The following VWA8 variants were observed in gnomAD, a reference collection of about 807,000 sequenced individuals.
The protein encoded by VWA8 is von Willebrand factor A domain-containing protein 8.
A neutral mutation model predicts 241.5 loss-of-function variants in VWA8; 221 were observed. The observed-to-expected ratio is 0.91, with a 90% CI of 0.82 to 1.02. The LOEUF is 1.02. Ranked by LOEUF, VWA8 falls within the 50% of genes least tolerant of loss-of-function variation. The pLI, the probability that VWA8 is intolerant of heterozygous loss-of-function variation, is 0.00. For missense variants in VWA8, 2,322 were observed against 2,328.7 expected (o/e 1.00, Z 0.06); for synonymous variants, 852 against 827.1 (o/e 1.03, Z -0.52).
chr13:41,837,035 T>TGATA (rs67765155), intron 12 of VWA8, among the ~76,000 whole-genome samples: 20,884 of 148,578 alleles, frequency 0.14, 1,492 homozygotes, highest in East Asian at 0.18. Flanking sequence ...TGCAGATAGA[T>TGATA]GATAGATAGA....
intron 37 of VWA8, among the ~76,000 whole-genome samples, chr13:41,639,272 G>C (rs2044779587): frequency 6.6e-6 from 1 of 151,342 alleles, no homozygotes; most frequent in Non-Finnish European, 1.5e-5. Context: ...AGATAGATGT[G>C]AAAAAAAAGT....
intron 34 of VWA8, among the ~76,000 whole-genome samples, chr13:41,688,604 T>C (rs2045152963): frequency 6.6e-6 from 1 of 152,106 alleles, no homozygotes; most frequent in African/African-American, 2.4e-5. Flanking sequence ...TACTATAACC[T>C]GGATGCTGCA....
chr13:41,953,530 G>T (rs1027852930), intron 1 of VWA8, among the ~76,000 whole-genome samples: 15 of 152,202 alleles, frequency 9.9e-5, no homozygotes, highest in Non-Finnish European at 5.9e-5. Flanking sequence ...ATGAGACCAG[G>T]CACAATGGCT....
In VWA8 at chr13:41,886,817, A is replaced by T. The variant is rs756291611; in HGVS notation, c.830T>A (p.Leu277Ter). The change falls in exon 7 of 45, where the codon TTG becomes TAG. Residue 277 changes from leucine to a stop codon, truncating the protein, a stop_gained. Transcript: ENST00000379310. LOFTEE classifies it high-confidence loss of function. ...AACATTGGCTCCAATTGAATATAAC[A>T]ACTTAAGTTGGTCCTAAAGTAATAC... ...YYLPFKDQLKLLYSIGANVSA... is the reference protein window; with the variant it reads ...YYLPFKDQLK The T allele has an allele frequency of 1.3e-6, 2 of 1,592,216 alleles. No homozygotes were observed. Among genetic ancestry groups the T allele is most frequent in the Middle Eastern group, 1.7e-4 (1 of 6,024 alleles).
intron 17 of VWA8, among the ~76,000 whole-genome samples, chr13:41,791,985 G>T (rs908778313): frequency 6.6e-6 from 1 of 151,676 alleles, no homozygotes; most frequent in Non-Finnish European, 1.5e-5. Context: ...CAGCAGTGAT[G>T]AAATTACATT....
chr13:41,913,037 C>T (rs573094686), intron 2 of VWA8, among the ~76,000 whole-genome samples: 5 of 151,864 alleles, frequency 3.3e-5, no homozygotes, highest in Non-Finnish European at 7.4e-5. Context: ...TGAATAAATA[C>T]ACAGAATGAA....
intron 2 of VWA8, among the ~76,000 whole-genome samples, chr13:41,941,565 G>C (rs1358438536): frequency 6.6e-6 from 1 of 152,144 alleles, no homozygotes; most frequent in Admixed American, 6.5e-5. Flanking sequence ...AATGCATACA[G>C]AATTTATTTA....
chr13:41,752,571 G>T (rs1391310380), intron 21 of VWA8, among the ~76,000 whole-genome samples: 1 of 152,142 alleles, frequency 6.6e-6, no homozygotes, highest in East Asian at 1.9e-4. Context: ...CCAGGTTCTT[G>T]CCCTCAAAAA....
At chr13:41,745,344 G>A (rs2045597346) in intron 21 of VWA8, among the ~76,000 whole-genome samples, 3 of 151,994 alleles carry the variant, frequency 2.0e-5, no homozygotes, top group Admixed American at 2.0e-4. Flanking sequence ...CTGTGTCCAA[G>A]CGTTTTCATT....
At chr13:41,783,497 G>T (rs1052361246) in intron 19 of VWA8, among the ~76,000 whole-genome samples, 11 of 151,998 alleles carry the variant, frequency 7.2e-5, no homozygotes, top group Admixed American at 2.0e-4. Context: ...AATTAGCCAG[G>T]CATGGTGGCA....
At chr13:41,590,510 T>A (rs2044447283) in intron 41 of VWA8, 130 bp downstream of exon 41, 3 of 1,021,710 alleles carry the variant, frequency 2.9e-6, no homozygotes, top group Admixed American at 5.9e-5. Flanking sequence ...TTTTTTTTTT[T>A]TTTAACATAA....
At chr13:41,938,511 C>T (rs1877452238) in intron 2 of VWA8, among the ~76,000 whole-genome samples, 1 of 151,912 alleles carries the variant, frequency 6.6e-6, no homozygotes, top group South Asian at 2.1e-4. Flanking sequence ...ATTAGCCAGG[C>T]GTAGTGGCAC....
At chr13:41,833,683 A>G in intron 12 of VWA8, 152 bp from the exon 13 acceptor site, 1 of 1,002,994 alleles carries the variant, frequency 1.0e-6, no homozygotes, top group South Asian at 3.7e-5. Context: ...TCCTAAAACG[A>G]AAGCTCTTCA....
chr13:41,744,940 C>T (rs1389113517), intron 21 of VWA8, among the ~76,000 whole-genome samples: 1 of 152,032 alleles, frequency 6.6e-6, no homozygotes, highest in Non-Finnish European at 1.5e-5. Flanking sequence ...TGGGTTCACG[C>T]CATTCTCCTG....
rs182879705 is a variant in VWA8 at position 41,900,884 on chromosome 13, C to T, written c.483+6702G>A. On this transcript the variant is annotated intron_variant, in intron 4 of 44. Coordinates refer to ENST00000379310, the MANE Select transcript of VWA8 (RefSeq NM_015058.2). ...TCATTTTAACACATCAGAATAGAAT[C>T]GGATTGATTTTTGGTTGCTCTACCA... is the stretch of plus-strand genomic sequence containing the variant. Among the ~76,000 whole-genome samples the T allele has an allele frequency of 1.3e-3, 191 of 152,136 alleles. 1 individual carries two copies. The highest frequency in any genetic ancestry group is 0.012 in the South Asian group (59 of 4,822).
At chr13:41,592,586 C>T (rs1206000954) in intron 40 of VWA8, among the ~76,000 whole-genome samples, 30 of 146,496 alleles carry the variant, frequency 2.0e-4, no homozygotes, top group Middle Eastern at 7.5e-3. Context: ...AAAAAAAAGA[C>T]GTTATAGCTT....
chr13:41,854,244 T>A (rs1172589595), intron 12 of VWA8, among the ~76,000 whole-genome samples: 1 of 152,136 alleles, frequency 6.6e-6, no homozygotes, highest in African/African-American at 2.4e-5. Context: ...GTTAAAATTT[T>A]AAAAATATCA....
At position 41,810,523 on chromosome 13, in the gene VWA8, T is replaced by C. The variant is rs139498454; in HGVS notation, c.2063+702A>G. On this transcript the variant is annotated intron_variant, in intron 17 of 44. Coordinates refer to ENST00000379310, the MANE Select transcript of VWA8 (RefSeq NM_015058.2). ...TATTTAAACTGAAATAAGCCATGCA[T>C]AGAAAGACAAACTTCACATGTTTTC... 3.3e-3 allele frequency among the ~76,000 whole-genome samples: 496 copies of C among 152,192 alleles called. 4 individuals carry two copies. Among genetic ancestry groups the C allele is most frequent in the African/African-American group, 0.011 (466 of 41,534 alleles).
Position 41,765,071 on chromosome 13 carries a change from G to A in VWA8, c.2350-3867C>T, listed in dbSNP as rs189274956. Reference sequence around the variant, plus strand: ...AAAAGGAACCAACAGGACTTAATGAGGGCCTGGAGTTAAGGATGAGGAGAT... The same window carrying A: ...AAAAGGAACCAACAGGACTTAATGAAGGCCTGGAGTTAAGGATGAGGAGAT... On this transcript the variant is annotated intron_variant, in intron 20 of 44. Transcript: ENST00000379310. 6.8e-4 allele frequency among the ~76,000 whole-genome samples: 103 copies of A among 152,182 alleles called. 1 individual carries two copies. Among genetic ancestry groups the A allele is most frequent in the African/African-American group, 2.4e-3 (100 of 41,524 alleles).
Sources: gnomAD v4.1 joint callset for allele counts (sites outside exome capture counted in the v4.1 genomes callset) on GRCh38, gnomAD v4.1.1 for gene constraint, MANE v1.5 for transcripts, NCBI Gene and HGNC (gene_info 2026-07-23, HGNC 2026-07-21) for gene names.